The following STK39 variants were observed in gnomAD, a reference collection of about 807,000 sequenced individuals.
STK39 encodes serine/threonine kinase 39.
STK39 carries 20 observed loss-of-function variants against 77.8 expected under a neutral mutation model. That is an observed-to-expected ratio of 0.26 (90% CI 0.18 to 0.37). The LOEUF is 0.37. Ranked by LOEUF, STK39 falls within the 10% of genes least tolerant of loss-of-function variation. The pLI is 1.00. For missense variants in STK39, 479 were observed against 656.5 expected (o/e 0.73, Z 2.95); for synonymous variants, 246 against 234.1 (o/e 1.05, Z -0.47).
intron 1 of STK39, among the ~76,000 whole-genome samples, chr2:168,196,054 G>T (rs1689462079): frequency 6.6e-6 from 1 of 152,182 alleles, no homozygotes; most frequent in African/African-American, 2.4e-5. Flanking sequence ...CTATAAATGG[G>T]AATGGAGTGG....
At position 168,013,552 on chromosome 2, in the gene STK39, T is replaced by G. The variant is rs570015053; in HGVS notation, c.1430-850A>C. Among the ~76,000 whole-genome samples, 118 of 152,366 alleles carry G rather than the reference T, an allele frequency of 7.7e-4. 1 individual carries two copies. Among genetic ancestry groups the G allele is most frequent in the African/African-American group, 2.6e-3 (109 of 41,590 alleles). On this transcript the variant is annotated intron_variant, in intron 15 of 17. Coordinates refer to ENST00000355999, the MANE Select transcript of STK39 (RefSeq NM_013233.3). ...CTTGGTCCCCAGGGACTTCAGATAT[T>G]CTCACAAATATTTAGAATTGTAGCT...
At chr2:168,237,208 T>C (rs571764059) in intron 1 of STK39, among the ~76,000 whole-genome samples, 10 of 152,358 alleles carry the variant, frequency 6.6e-5, no homozygotes, top group East Asian at 1.9e-4. Flanking sequence ...TTTGAAGCAA[T>C]TGTGGATGGA....
chr2:168,121,896 A>G (rs189063428), intron 10 of STK39, among the ~76,000 whole-genome samples: 14 of 152,310 alleles, frequency 9.2e-5, no homozygotes, highest in Non-Finnish European at 1.0e-4. Context: ...GCTCAGAGAG[A>G]TTAGGCAGCT....
intron 1 of STK39, among the ~76,000 whole-genome samples, chr2:168,227,150 C>T (rs1477586298): frequency 6.6e-6 from 1 of 152,098 alleles, no homozygotes; most frequent in African/African-American, 2.4e-5. Flanking sequence ...ATAGTTTCCA[C>T]ATTACATGTA....
intron 1 of STK39, among the ~76,000 whole-genome samples, chr2:168,206,035 C>T (rs1434628156): frequency 6.6e-6 from 1 of 152,108 alleles, no homozygotes; most frequent in Non-Finnish European, 1.5e-5. Context: ...CAAATCAAAG[C>T]CCCCAATTCA....
chr2:168,199,136 T>C (rs765961438), intron 1 of STK39, among the ~76,000 whole-genome samples: 2 of 152,190 alleles, frequency 1.3e-5, no homozygotes, highest in African/African-American at 2.4e-5. Context: ...CTATATTCCT[T>C]ATACCCTGAT....
chr2:167,981,547 A>G (rs542885833), intron 16 of STK39, among the ~76,000 whole-genome samples: 28 of 152,372 alleles, frequency 1.8e-4, no homozygotes, highest in African/African-American at 6.3e-4. Context: ...GAATTCTAGG[A>G]AAGTGAAAAG....
chr2:168,224,207 C>A (rs898893571), intron 1 of STK39, among the ~76,000 whole-genome samples: 3 of 151,110 alleles, frequency 2.0e-5, no homozygotes, highest in South Asian at 2.1e-4. Flanking sequence ...ACTAAAAAAA[C>A]AAACAACAAA....
intron 10 of STK39, among the ~76,000 whole-genome samples, chr2:168,087,339 T>C (rs1428239441): frequency 6.6e-6 from 1 of 152,262 alleles, no homozygotes; most frequent in Non-Finnish European, 1.5e-5. Context: ...TGGTCAGTTC[T>C]AGTTGTCAGG....
intron 10 of STK39, among the ~76,000 whole-genome samples, chr2:168,126,209 C>T (rs1687537578): frequency 6.6e-6 from 1 of 152,056 alleles, no homozygotes; most frequent in African/African-American, 2.4e-5. Flanking sequence ...ACTGATAAGA[C>T]AAAAATCAAT....
chr2:168,244,044 GA>G (rs1406079497), intron 1 of STK39, among the ~76,000 whole-genome samples: 3 of 152,136 alleles, frequency 2.0e-5, no homozygotes, highest in African/African-American at 7.2e-5. Flanking sequence ...ATGTCTGGAA[GA>G]AGGAATTTAA....
At chr2:168,151,331 T>C (rs796702657) in intron 5 of STK39, among the ~76,000 whole-genome samples, 2 of 152,226 alleles carry the variant, frequency 1.3e-5, no homozygotes, top group African/African-American at 4.8e-5. Context: ...TTCCCATGAC[T>C]GGGGTCTCAT....
At chr2:168,214,810 C>A (rs1231763719) in intron 1 of STK39, among the ~76,000 whole-genome samples, 4 of 152,152 alleles carry the variant, frequency 2.6e-5, no homozygotes, top group African/African-American at 9.7e-5. Context: ...AGGTCCTGCC[C>A]AGACCACTGA....
rs1010134186 is a variant in STK39 at position 168,041,228 on chromosome 2, A to C, written c.1376+22272T>G. Among the ~76,000 whole-genome samples, 7 of 151,494 alleles carry C rather than the reference A, an allele frequency of 4.6e-5. No homozygotes were observed. The East Asian group carries it at 1.3e-3, about 29-fold the overall frequency. Reference sequence around the variant, plus strand: ...AATTAAAAAATATGCAATCCTTCCAACTCCTAAAGTCCAACTCTTGGAGAG... The same window carrying C: ...AATTAAAAAATATGCAATCCTTCCACCTCCTAAAGTCCAACTCTTGGAGAG... On this transcript the variant is annotated intron_variant, in intron 14 of 17. Coordinates refer to ENST00000355999, the MANE Select transcript of STK39 (RefSeq NM_013233.3).
intron 12 of STK39, among the ~76,000 whole-genome samples, chr2:168,069,775 G>A (rs192930464): frequency 1.3e-5 from 2 of 152,272 alleles, no homozygotes; most frequent in East Asian, 3.9e-4. Context: ...TACCAAATCA[G>A]AATCTGTGGG....
intron 10 of STK39, among the ~76,000 whole-genome samples, chr2:168,097,718 A>G (rs1242600738): frequency 2.0e-5 from 3 of 149,350 alleles, no homozygotes; most frequent in African/African-American, 7.4e-5. Flanking sequence ...TGCGTGACAG[A>G]GCAAAATCCT....
chr2:168,010,031 T>C (rs542263460), intron 16 of STK39, among the ~76,000 whole-genome samples: 3 of 151,392 alleles, frequency 2.0e-5, no homozygotes, highest in East Asian at 3.9e-4. Context: ...AGGACTATGC[T>C]TAAAAGAAGA....
intron 1 of STK39, among the ~76,000 whole-genome samples, chr2:168,238,189 T>C (rs1298285511): frequency 1.3e-5 from 2 of 152,222 alleles, no homozygotes; most frequent in African/African-American, 4.8e-5. Context: ...AGAATGATTA[T>C]GAGAAGTCTC....
rs1685133450 is a variant in STK39, at chr2:168,042,562, C to T, written c.1376+20938G>A. Among the ~76,000 whole-genome samples, 2 of 149,206 alleles carry T rather than the reference C, an allele frequency of 1.3e-5. 1 individual carries two copies. The highest frequency in any genetic ancestry group is 4.2e-4 in the South Asian group (2 of 4,748). ...ACAACAGGTTTGAAGGATCTTAATT[C>T]TATCTTCCTTCCTTCTTTTTTTTTT... On this transcript the variant is annotated intron_variant, in intron 14 of 17. Transcript: ENST00000355999.
Sources: gnomAD v4.1 joint callset for allele counts (sites outside exome capture counted in the v4.1 genomes callset) on GRCh38, gnomAD v4.1.1 for gene constraint, MANE v1.5 for transcripts, NCBI Gene and HGNC (gene_info 2026-07-23, HGNC 2026-07-21) for gene names.